Variants in ZNF330 observed in about 807,000 individuals in gnomAD.
ZNF330 encodes the protein zinc finger protein 330.
A neutral mutation model predicts 45.5 loss-of-function variants in ZNF330; 31 were observed. The ratio of observed to expected loss-of-function variants is 0.68; its 90% CI spans 0.51 to 0.92. The LOEUF is 0.92. Ranked by LOEUF, ZNF330 falls within the 40% of genes least tolerant of loss-of-function variation. The pLI, the probability that ZNF330 is intolerant of heterozygous loss-of-function variation, is 0.00. For missense variants in ZNF330, 356 were observed against 387.4 expected (o/e 0.92, Z 0.68); for synonymous variants, 138 against 123.2 (o/e 1.12, Z -0.79).
At chr4:141,232,304 T>C (rs572203822) in intron 8 of ZNF330, among the ~76,000 whole-genome samples, 1 of 152,276 alleles carries the variant, frequency 6.6e-6, no homozygotes, top group African/African-American at 2.4e-5. Flanking sequence ...TGTACTTACA[T>C]GTCATACTCA....
At position 141,222,346 on chromosome 4, in the gene ZNF330, G is replaced by A. The variant is rs1034155892; in HGVS notation, c.-6-20G>A. 1 of 1,608,650 alleles carries A rather than the reference G, an allele frequency of 6.2e-7. No individual in the cohort carries two copies. The highest frequency in any genetic ancestry group is 8.5e-7 in the Non-Finnish European group (1 of 1,177,898). On this transcript the variant is annotated intron_variant, in intron 1 of 9. Transcript: ENST00000262990. ...GCAGTCAGTCAATTATATCTTTTCT[G>A]TTCTCTTGTGTCAAAATAGGGGAAA...
upstream of ZNF330, among the ~76,000 whole-genome samples, chr4:141,220,593 G>C (rs1459566158): frequency 6.6e-6 from 1 of 152,216 alleles, no homozygotes; most frequent in African/African-American, 2.4e-5. Context: ...TGTAGAGGTG[G>C]GGAAAGGTTT....
At chr4:141,224,757 A>G (rs1728762459) in intron 4 of ZNF330, 80 bp downstream of exon 4, 7 of 1,200,658 alleles carry the variant, frequency 5.8e-6, no homozygotes, top group Non-Finnish European at 8.7e-6. Flanking sequence ...GTTTGTTGCT[A>G]TTGGTTACAG....
At chr4:141,221,920 T>C (rs1016503827) in intron 1 of ZNF330, among the ~76,000 whole-genome samples, 1 of 152,202 alleles carries the variant, frequency 6.6e-6, no homozygotes, top group African/African-American at 2.4e-5. Context: ...CTTGTTATAC[T>C]TAAGGTGTTG....
intron 2 of ZNF330, among the ~76,000 whole-genome samples, chr4:141,223,271 A>G (rs1007217677): frequency 1.3e-5 from 2 of 152,192 alleles, no homozygotes; most frequent in African/African-American, 4.8e-5. Context: ...GTTTGTTTAT[A>G]AATGACAGAA....
At chr4:141,232,240 TATTTC>T (rs1380448882) in intron 8 of ZNF330, among the ~76,000 whole-genome samples, 1 of 152,148 alleles carries the variant, frequency 6.6e-6, no homozygotes, top group Non-Finnish European at 1.5e-5. Flanking sequence ...TGTTCACCAT[TATTTC>T]ATTTCATCAG....
chr4:141,233,587 G>A (rs1046765345), intron 9 of ZNF330, 128 bp from the exon 10 acceptor site: 1 of 1,415,490 alleles, frequency 7.1e-7, no homozygotes, highest in African/African-American at 1.4e-5. Flanking sequence ...AAAAAATTAG[G>A]AAAATGTGAC....
At chr4:141,224,385 A>T in intron 2 of ZNF330, 102 bp from the exon 3 acceptor site, 1 of 1,080,144 alleles carries the variant, frequency 9.3e-7, no homozygotes, top group Non-Finnish European at 1.4e-6. Context: ...GTGTAGTGTC[A>T]CTTAAATTTT....
chr4:141,225,510 A>G (rs978309760), intron 4 of ZNF330, among the ~76,000 whole-genome samples: 1 of 144,750 alleles, frequency 6.9e-6, no homozygotes, highest in Non-Finnish European at 1.5e-5. Context: ...CTTTTGATGA[A>G]CAAGTATTGC....
chr4:141,232,629 C>T lies in ZNF330; in HGVS notation c.675C>T (p.Asp225=). The T allele has an allele frequency of 6.4e-7, 1 of 1,563,912 alleles. No homozygotes were observed. Among genetic ancestry groups the T allele is most frequent in the South Asian group, 1.2e-5 (1 of 80,524 alleles). Residue 225 remains aspartate, a synonymous_variant, in exon 9 of 10, where the codon GAC becomes GAT. Transcript: ENST00000262990. The part of the protein sequence containing the change: ...KCGHETQETK[D]LSMSTRSLKF... ...GGCATGAAACTCAGGAGACTAAGGA[C>T]CTTAGCATGTCAAGTAAGGCCCTTA... is the stretch of plus-strand genomic sequence containing the variant.
chr4:141,233,080 G>C (rs181856069), intron 9 of ZNF330, among the ~76,000 whole-genome samples: 2 of 152,032 alleles, frequency 1.3e-5, no homozygotes, highest in African/African-American at 4.8e-5. Flanking sequence ...CACTACTATA[G>C]GAAATTATTT....
At position 141,234,498 on chromosome 4, in the gene ZNF330, T is replaced by C. The variant is rs1729039162; in HGVS notation, c.*509T>C. The stretch of plus-strand genomic sequence containing the variant: ...TGTCACCTTGAGTTGTCATGATAAG[T>C]ATGTTTTAGTATTTGACTTATTCTT... On this transcript the variant is annotated 3_prime_UTR_variant, in exon 10 of 10. Coordinates refer to ENST00000262990, the MANE Select transcript of ZNF330 (RefSeq NM_014487.6). 6.5e-6 allele frequency: 1 copy of C among 152,868 alleles called. No homozygotes were observed. Among genetic ancestry groups the C allele is most frequent in the Admixed American group, 6.5e-5 (1 of 15,352 alleles). 9.5% of individuals were successfully genotyped at this position (152,868 alleles called of 1,614,324 possible).
chr4:141,221,890 A>G (rs1049424075), intron 1 of ZNF330, among the ~76,000 whole-genome samples: 1 of 152,212 alleles, frequency 6.6e-6, no homozygotes, highest in African/African-American at 2.4e-5. Flanking sequence ...TTGTTTACAT[A>G]TTACATAGGA....
intron 1 of ZNF330, among the ~76,000 whole-genome samples, chr4:141,222,122 A>C (rs1022970797): frequency 2.6e-5 from 4 of 152,002 alleles, no homozygotes; most frequent in Admixed American, 2.0e-4. Context: ...TTTTAGGGTA[A>C]ATTTTTTTGA....
chr4:141,229,723 G>C, intron 6 of ZNF330, 26 bp downstream of exon 6: 1 of 1,612,188 alleles, frequency 6.2e-7, no homozygotes, highest in South Asian at 1.1e-5. Flanking sequence ...CAAGTAATGA[G>C]CTTTGTTATA....
chr4:141,222,049 G>C (rs1578805505), intron 1 of ZNF330, among the ~76,000 whole-genome samples: 1 of 152,130 alleles, frequency 6.6e-6, no homozygotes, highest in East Asian at 1.9e-4. Flanking sequence ...GTTTTAATGA[G>C]GTGCAGAATA....
chr4:141,222,531 C>T, intron 2 of ZNF330, 40 bp downstream of exon 2: 5 of 1,594,476 alleles, frequency 3.1e-6, no homozygotes, highest in Non-Finnish European at 3.4e-6. Flanking sequence ...GTTGGAAAAA[C>T]TATATACTAT....
At chr4:141,230,330 A>T in intron 7 of ZNF330, 60 bp downstream of exon 7, 1 of 1,011,028 alleles carries the variant, frequency 9.9e-7, no homozygotes, top group Non-Finnish European at 1.4e-6. Context: ...ATAATTATTA[A>T]TCTTAATGAA....
rs772050900 is a variant in ZNF330, at chr4:141,222,478, G to A, written c.107G>A (p.Cys36Tyr). 1 of 1,612,466 alleles carries A rather than the reference G, an allele frequency of 6.2e-7. No individual in the cohort carries two copies. The highest frequency in any genetic ancestry group is 1.1e-5 in the South Asian group (1 of 90,964). The change falls in exon 2 of 10, where the codon TGT becomes TAT. Residue 36 changes from cysteine to tyrosine, a missense_variant. Cys to Tyr is a radical substitution (Grantham distance 194). Coordinates refer to ENST00000262990, the MANE Select transcript of ZNF330 (RefSeq NM_014487.6). ...ACTATAGATTTAGCTAAACATCCAT[G>A]TAATGCCTCAATGGTATCAGCTTTT... is the stretch of plus-strand genomic sequence containing the variant. ...RSTIDLAKHP[C>Y]NASMECDKCQ...
Sources: gnomAD v4.1 joint callset for allele counts (sites outside exome capture counted in the v4.1 genomes callset) on GRCh38, gnomAD v4.1.1 for gene constraint, MANE v1.5 for transcripts, NCBI Gene and HGNC (gene_info 2026-07-23, HGNC 2026-07-21) for gene names.